SND1: variants seen among roughly 807,000 people sequenced by gnomAD.
The protein encoded by SND1 is staphylococcal nuclease and tudor domain containing 1.
A neutral mutation model predicts 121.7 loss-of-function variants in SND1; 38 were observed. The observed-to-expected ratio is 0.31, with a 90% confidence interval of 0.24 to 0.41. The LOEUF is 0.41. Among genes scored for constraint, SND1 ranks in the 10% least tolerant of loss-of-function variants. The probability of loss-of-function intolerance (pLI) is 1.00; values close to 1 mark genes in which losing one functional copy is unlikely to be tolerated. For synonymous variants in SND1, 401 were observed against 447.4 expected, an observed-to-expected ratio of 0.90 and a Z score of 1.31; for missense variants, 868 against 1,184.6, an observed-to-expected ratio of 0.73 and a Z score of 3.92.
rs1398312065 is a variant in SND1, at chr7:128,015,180, A to ATCCCC, written c.1779+24127_1779+24131dup. 2.6e-5 allele frequency among the ~76,000 whole-genome samples: 4 copies of ATCCCC among 152,180 alleles called. No individual in the cohort carries two copies. Among genetic ancestry groups the ATCCCC allele is most frequent in the Non-Finnish European group, 5.9e-5 (4 of 68,026 alleles). ...ATACCCAGGGATGTCTGCCACTCCC[A>ATCCCC]TCCCCTCTCCTGCCCTGCTTTCCCA... On this transcript the variant is annotated intron_variant, in intron 16 of 23. Transcript: ENST00000354725. This position sits in a 1 kb window ranked among gnomAD's most constrained non-coding sequence, Gnocchi z 4.5.
At position 127,686,710 on chromosome 7, in the gene SND1, T is replaced by A. The variant is rs1320815186; in HGVS notation, c.176T>A (p.Leu59His). The A allele has an allele frequency of 6.2e-7, 1 of 1,614,162 alleles. No individual in the cohort carries two copies. Among genetic ancestry groups the A allele is most frequent in the Non-Finnish European group, 8.5e-7 (1 of 1,180,012 alleles). Residue 59 changes from leucine (L) to histidine (H), a missense_variant, in exon 2 of 24, where the codon CTT (leucine) becomes CAT (histidine). This residue lies in a region of SND1 where 125 missense variants were observed against 113.3 expected (regional missense o/e 1.10). Coordinates refer to ENST00000354725, the MANE Select transcript of SND1 (RefSeq NM_014390.4). ...CTCAGCAACATTCGTGCTGGAAATC[T>A]TGCTCGCCGGGCAGCCGCCACACAA... ...INLSNIRAGN[L>H]ARRAAATQPD...
chr7:128,075,352 G>A (rs1172445041), intron 17 of SND1, among the ~76,000 whole-genome samples: 2 of 152,194 alleles, frequency 1.3e-5, no homozygotes, highest in African/African-American at 4.8e-5. Context: ...AATTTGTCAG[G>A]GCTTCTCTGA....
intron 12 of SND1, among the ~76,000 whole-genome samples, chr7:127,870,100 C>A (rs1799553694): frequency 6.6e-6 from 1 of 152,144 alleles, no homozygotes; most frequent in Admixed American, 6.5e-5. Context: ...ATACTACTTA[C>A]TATCTCTGGG....
At chr7:127,854,538 C>CTATTTATT (rs59447282) in intron 12 of SND1, among the ~76,000 whole-genome samples, 2,247 of 145,418 alleles carry the variant, frequency 0.015, 23 homozygotes, top group South Asian at 0.036. Flanking sequence ...TACTAGCATT[C>CTATTTATT]TATTTATTTA....
intron 12 of SND1, among the ~76,000 whole-genome samples, chr7:127,885,319 G>A (rs1029412532): frequency 1.3e-5 from 2 of 152,090 alleles, no homozygotes; most frequent in Admixed American, 6.6e-5. Context: ...CGTAGTGAAT[G>A]CCCAATGGTG....
intron 16 of SND1, among the ~76,000 whole-genome samples, chr7:127,997,052 G>A (rs539372083): frequency 6.6e-6 from 1 of 152,264 alleles, no homozygotes; most frequent in South Asian, 2.1e-4. Context: ...GTGTTTTCAT[G>A]CATAATGTTT....
chr7:128,028,385 A>G (rs1334936400), intron 16 of SND1: 15 of 292,896 alleles, frequency 5.1e-5, no homozygotes, highest in Admixed American at 4.7e-5. Flanking sequence ...TATCTCAGCA[A>G]TTTCAACCTT....
chr7:127,788,949 A>T (rs1375126772), intron 10 of SND1, among the ~76,000 whole-genome samples: 2 of 152,098 alleles, frequency 1.3e-5, no homozygotes, highest in African/African-American at 4.8e-5. Context: ...TTCTTATAGT[A>T]CCTTGTATAT....
intron 15 of SND1, among the ~76,000 whole-genome samples, chr7:127,974,357 A>G (rs1802066201): frequency 1.3e-5 from 2 of 152,220 alleles, no homozygotes; most frequent in South Asian, 4.1e-4. Context: ...CAAACTTGGT[A>G]CTTGAAGATT....
intron 15 of SND1, among the ~76,000 whole-genome samples, chr7:127,956,287 C>G (rs1038560111): frequency 6.6e-6 from 1 of 152,218 alleles, no homozygotes; most frequent in Non-Finnish European, 1.5e-5. Flanking sequence ...CATACCTGCT[C>G]CCTGAAATCC....
chr7:127,816,352 C>T (rs555368606), intron 11 of SND1, among the ~76,000 whole-genome samples: 7 of 152,298 alleles, frequency 4.6e-5, no homozygotes, highest in South Asian at 2.1e-4. Context: ...ATCTCTTTTA[C>T]ATAGAGCATT....
At chr7:128,076,524 C>T (rs955353171) in intron 17 of SND1, among the ~76,000 whole-genome samples, 4 of 152,210 alleles carry the variant, frequency 2.6e-5, no homozygotes, top group Non-Finnish European at 4.4e-5. Context: ...AGGAGCAGCA[C>T]TAGCAGAGCT....
intron 12 of SND1, among the ~76,000 whole-genome samples, chr7:127,862,469 TC>T (rs923765981): frequency 1.3e-5 from 2 of 152,230 alleles, no homozygotes; most frequent in Non-Finnish European, 2.9e-5. Context: ...GTGATAGCCA[TC>T]CAACCAGTTA....
intron 17 of SND1, among the ~76,000 whole-genome samples, 178 bp downstream of exon 17, chr7:128,074,868 G>A (rs914542256): frequency 3.9e-5 from 6 of 152,230 alleles, no homozygotes; most frequent in Non-Finnish European, 8.8e-5. Flanking sequence ...GCCAGCTGAG[G>A]TGTCCTCGGC....
chr7:127,719,432 G>A (rs575251182), intron 9 of SND1, among the ~76,000 whole-genome samples: 29 of 152,278 alleles, frequency 1.9e-4, no homozygotes, highest in African/African-American at 7.0e-4. Flanking sequence ...CTGGCATTAA[G>A]GGGCTGTTTG....
chr7:127,997,497 G>A, intron 16 of SND1: 1 of 339,662 alleles, frequency 2.9e-6, no homozygotes, highest in South Asian at 2.3e-5. Flanking sequence ...TCTGATTCCT[G>A]CTTCATCTGC....
At chr7:127,940,528 A>G (rs770563918) in intron 15 of SND1, among the ~76,000 whole-genome samples, 1 of 152,220 alleles carries the variant, frequency 6.6e-6, no homozygotes, top group Non-Finnish European at 1.5e-5. Context: ...GGTAATGGGC[A>G]GCGCCAGGGT....
chr7:128,030,012 T>A, intron 16 of SND1: 1 of 1,613,158 alleles, frequency 6.2e-7, no homozygotes, highest in Non-Finnish European at 8.5e-7. Context: ...ATTGGGCATG[T>A]CTTTAATGTT....
chr7:127,657,250 G>T (rs1307814493), intron 1 of SND1, among the ~76,000 whole-genome samples: 1 of 152,178 alleles, frequency 6.6e-6, no homozygotes. Flanking sequence ...CAATAAAGAA[G>T]TTAACAAGAA....
Sources: allele counts gnomAD v4.1 joint callset (sites outside exome capture counted in the v4.1 genomes callset), GRCh38; gene constraint gnomAD v4.1.1; regional missense constraint gnomAD v4.1.1; non-coding constraint Gnocchi (gnomAD v3.1); transcripts MANE v1.5; gene names NCBI Gene and HGNC (gene_info 2026-07-23, HGNC 2026-07-21).